Variants in RAB11FIP2 observed in about 807,000 individuals in gnomAD.
RAB11FIP2 encodes the protein RAB11 family interacting protein 2, also known as rab11 family-interacting protein 2.
In RAB11FIP2, 16 loss-of-function variants were observed where a neutral mutation model predicts 40.9. That is an observed-to-expected ratio of 0.39 (90% CI 0.26 to 0.59). The LOEUF is 0.59. RAB11FIP2 is among the 20% of genes least tolerant of loss of function. The pLI, the probability that RAB11FIP2 is intolerant of heterozygous loss-of-function variation, is 0.53. For missense variants in RAB11FIP2, 532 were observed against 606.2 expected (o/e 0.88, Z 1.28); for synonymous variants, 228 against 213.7 (o/e 1.07, Z -0.58).
intron 1 of RAB11FIP2, among the ~76,000 whole-genome samples, chr10:118,044,365 T>C (rs1028246589): frequency 2.6e-5 from 4 of 152,140 alleles, no homozygotes. Context: ...ACGTTAAATA[T>C]TTACTAAGTG....
Position 118,008,144 on chromosome 10 carries a change from C to G in RAB11FIP2, c.*854G>C, listed in dbSNP as rs1395633196. 6.6e-6 allele frequency: 1 copy of G among 152,212 alleles called. No individual in the cohort carries two copies. The highest frequency in any genetic ancestry group is 2.4e-5 in the African/African-American group (1 of 41,414). 9.4% of individuals were successfully genotyped at this position (152,212 alleles called of 1,614,324 possible). A position where few individuals can be genotyped will look rare whatever the true frequency, so the allele number is the denominator to read the frequency against. On this transcript the variant is annotated 3_prime_UTR_variant, in exon 5 of 5. Coordinates refer to ENST00000355624, the MANE Select transcript of RAB11FIP2 (RefSeq NM_014904.3). Reference sequence around the variant, plus strand: ...CTTCTGCTTATACCTTAAACAAACTCAAATGTTAATTAATTCAAATAAATT... The same window carrying G: ...CTTCTGCTTATACCTTAAACAAACTGAAATGTTAATTAATTCAAATAAATT...
intron 3 of RAB11FIP2, chr10:118,033,955 G>A: frequency 5.7e-6 from 4 of 701,552 alleles, no homozygotes; most frequent in Non-Finnish European, 1.0e-5. Context: ...CCACTTGCAT[G>A]CAGAGACCCA....
At chr10:118,015,680 C>T (rs922499385) in intron 3 of RAB11FIP2, among the ~76,000 whole-genome samples, 2 of 152,086 alleles carry the variant, frequency 1.3e-5, no homozygotes, top group African/African-American at 2.4e-5. Context: ...AATACTGAAA[C>T]GAATCAAAAC....
chr10:118,029,221 C>A (rs1480293635), intron 3 of RAB11FIP2, among the ~76,000 whole-genome samples: 5 of 152,146 alleles, frequency 3.3e-5, no homozygotes, highest in East Asian at 3.9e-4. Flanking sequence ...ACCAGTCCCC[C>A]CAATACCCCC....
At chr10:118,011,452 T>A (rs543462585) in intron 4 of RAB11FIP2, among the ~76,000 whole-genome samples, 1 of 151,964 alleles carries the variant, frequency 6.6e-6, no homozygotes, top group Non-Finnish European at 1.5e-5. Flanking sequence ...TAATATATAG[T>A]TTGGAGATAC....
chr10:118,043,792 A>G (rs1846592379), intron 1 of RAB11FIP2, among the ~76,000 whole-genome samples: 1 of 152,228 alleles, frequency 6.6e-6, no homozygotes, highest in Admixed American at 6.5e-5. Flanking sequence ...TGTGCAGAAT[A>G]TTAAATATCT....
chr10:118,021,307 A>C (rs780942038), intron 3 of RAB11FIP2, among the ~76,000 whole-genome samples: 6 of 152,182 alleles, frequency 3.9e-5, no homozygotes, highest in Admixed American at 6.5e-5. Flanking sequence ...ATTTTCACAA[A>C]CTGAATTTCT....
intron 3 of RAB11FIP2, among the ~76,000 whole-genome samples, chr10:118,037,097 C>T (rs965851275): frequency 6.6e-6 from 1 of 151,914 alleles, no homozygotes; most frequent in Admixed American, 6.6e-5. Flanking sequence ...CAACAACCTT[C>T]TGTAAAAAAA....
At chr10:118,026,926 C>T (rs1846350530) in intron 3 of RAB11FIP2, among the ~76,000 whole-genome samples, 1 of 152,100 alleles carries the variant, frequency 6.6e-6, no homozygotes, top group Admixed American at 6.5e-5. Context: ...TTATTACTTC[C>T]TGCCAAATGT....
At chr10:118,010,269 T>C (rs901544267) in intron 4 of RAB11FIP2, among the ~76,000 whole-genome samples, 1 of 152,166 alleles carries the variant, frequency 6.6e-6, no homozygotes, top group African/African-American at 2.4e-5. Context: ...GCCCAACAAT[T>C]TAAAATAATT....
At position 118,007,262 on chromosome 10, in the gene RAB11FIP2, T is replaced by A. The variant is rs184551599; in HGVS notation, c.*1736A>T. The A allele has an allele frequency of 2.6e-5, 4 of 151,722 alleles. No homozygotes were observed. The highest frequency in any genetic ancestry group is 2.6e-4 in the Admixed American group (4 of 15,220). 9.4% of individuals were successfully genotyped at this position (151,722 alleles called of 1,614,324 possible). On this transcript the variant is annotated 3_prime_UTR_variant, in exon 5 of 5. Transcript: ENST00000355624. ...TACAGAATCTTGAGGAGAAAAAAAT[T>A]GATAAAAGCTATTTTTCCTTCTCCA...
chr10:118,027,680 G>C (rs1846360741), intron 3 of RAB11FIP2, among the ~76,000 whole-genome samples: 2 of 152,256 alleles, frequency 1.3e-5, no homozygotes, highest in South Asian at 4.1e-4. Flanking sequence ...CTACCAGTCA[G>C]GGAATGACAT....
At chr10:118,017,510 A>G (rs1291404492) in intron 3 of RAB11FIP2, 1 of 152,128 alleles carries the variant, frequency 6.6e-6, no homozygotes, top group African/African-American at 2.4e-5. Flanking sequence ...GGCTCTGCAA[A>G]CATATGGCGT....
intron 3 of RAB11FIP2, among the ~76,000 whole-genome samples, chr10:118,038,136 T>A (rs1436588788): frequency 6.6e-6 from 1 of 151,952 alleles, no homozygotes; most frequent in East Asian, 1.9e-4. Flanking sequence ...AATAAATTTA[T>A]CTTTTCTTTG....
intron 3 of RAB11FIP2, among the ~76,000 whole-genome samples, chr10:118,032,004 C>T (rs1050268550): frequency 1.3e-5 from 2 of 152,014 alleles, no homozygotes; most frequent in African/African-American, 4.8e-5. Context: ...ACAACAGAAA[C>T]TCATCACACA....
chr10:118,009,770 G>A (rs949937600), intron 4 of RAB11FIP2, among the ~76,000 whole-genome samples: 2 of 152,122 alleles, frequency 1.3e-5, no homozygotes, highest in African/African-American at 4.8e-5. Flanking sequence ...CTTACAGGAA[G>A]CCCCATGTGA....
At chr10:118,015,331 C>G (rs1846205267) in intron 3 of RAB11FIP2, among the ~76,000 whole-genome samples, 1 of 152,108 alleles carries the variant, frequency 6.6e-6, no homozygotes, top group Non-Finnish European at 1.5e-5. Flanking sequence ...TTTTAGTTAT[C>G]AGAACTGAAG....
At position 118,039,414 on chromosome 10, in the gene RAB11FIP2, T is replaced by C. The variant is rs1251751144; in HGVS notation, c.823A>G (p.Thr275Ala). 6.2e-7 allele frequency: 1 copy of C among 1,612,728 alleles called. No homozygotes were observed. Among genetic ancestry groups the C allele is most frequent in the Non-Finnish European group, 8.5e-7 (1 of 1,179,146 alleles). ...SGSLKSPHRR[T>A]LSFDTSKMNQ... is the part of the protein sequence containing the mutation. ...ATTTTAGAAGTATCAAAGCTTAATGTTCTTCTGTGTGGAGATTTGAGACTT... is the reference window on the plus strand; with the variant it reads ...ATTTTAGAAGTATCAAAGCTTAATGCTCTTCTGTGTGGAGATTTGAGACTT... The change falls in exon 3 of 5, where the codon ACA becomes GCA. Residue 275 changes from threonine to alanine, a missense_variant. Coordinates refer to ENST00000355624, the MANE Select transcript of RAB11FIP2 (RefSeq NM_014904.3).
intron 4 of RAB11FIP2, among the ~76,000 whole-genome samples, chr10:118,014,536 G>A (rs1376883763): frequency 1.3e-5 from 2 of 152,196 alleles, no homozygotes; most frequent in East Asian, 1.9e-4. Context: ...TTAGGTGGTC[G>A]CTACCAATCC....
Sources: allele counts gnomAD v4.1 joint callset (sites outside exome capture counted in the v4.1 genomes callset), GRCh38; gene constraint gnomAD v4.1.1; transcripts MANE v1.5; gene names NCBI Gene and HGNC (gene_info 2026-07-23, HGNC 2026-07-21).